The following IL17D variants were observed in gnomAD, a reference collection of about 807,000 sequenced individuals.
IL17D encodes interleukin 17D, also known as interleukin-17D.
Under a neutral mutation model 5.7 loss-of-function variants are expected in IL17D, and 10 were observed. The ratio of observed to expected loss-of-function variants is 1.75; its 90% CI spans 1.08 to 2.97. IL17D has a LOEUF of 2.97. Ranked by LOEUF, IL17D falls within the 30% of genes most tolerant of loss-of-function variation. The pLI is 0.00. For missense variants in IL17D, 354 were observed against 292.7 expected, an observed-to-expected ratio of 1.21 and a Z score of -1.53; for synonymous variants, 172 against 141.7, an observed-to-expected ratio of 1.21 and a Z score of -1.52.
chr13:20,714,221 C>T (rs2058661616), intron 1 of IL17D: 1 of 152,208 alleles, frequency 6.6e-6, no homozygotes, highest in South Asian at 2.1e-4. Context: ...GAATTATCTT[C>T]CAAATTCTTT....
In IL17D at chr13:20,716,557, A is replaced by G. The variant is rs1347301253; in HGVS notation, c.291-5079A>G. 6.6e-6 allele frequency among the ~76,000 whole-genome samples: 1 copy of G among 152,200 alleles called. No homozygotes were observed. The highest frequency in any genetic ancestry group is 1.5e-5 in the Non-Finnish European group (1 of 68,032). The stretch of plus-strand genomic sequence containing the variant: ...CAAATCCATCTCCTTCACTTTGCAA[A>G]GAACCAGGCAAGGTGGAGTTCTCTG... On this transcript the variant is annotated intron_variant, in intron 1 of 1. Transcript: ENST00000682841. This position sits in a 1 kb window ranked among gnomAD's most constrained non-coding sequence, Gnocchi z 4.2.
intron 1 of IL17D, among the ~76,000 whole-genome samples, chr13:20,706,290 A>G (rs563481944): frequency 1.4e-4 from 21 of 152,224 alleles, no homozygotes; most frequent in Non-Finnish European, 2.6e-4. Context: ...GGACTACGGC[A>G]TTCTTCTTTC....
intron 1 of IL17D, among the ~76,000 whole-genome samples, chr13:20,718,533 AC>A (rs1481618181): frequency 2.8e-5 from 2 of 70,598 alleles, no homozygotes; most frequent in Non-Finnish European, 5.8e-5. Context: ...CCCCACCCAC[AC>A]ACCCGCCCAT....
At chr13:20,719,688 A>G (rs1431226747) in intron 1 of IL17D, among the ~76,000 whole-genome samples, 1 of 152,236 alleles carries the variant, frequency 6.6e-6, no homozygotes, top group Non-Finnish European at 1.5e-5. Flanking sequence ...TGAGATCGGA[A>G]AATGAACAGA....
At chr13:20,710,270 A>G (rs2058623886) in intron 1 of IL17D, among the ~76,000 whole-genome samples, 1 of 152,104 alleles carries the variant, frequency 6.6e-6, no homozygotes, top group Non-Finnish European at 1.5e-5. Flanking sequence ...TGTTGTAAGA[A>G]CACTGAGGTT....
intron 1 of IL17D, chr13:20,713,422 C>G (rs940925641): frequency 2.0e-5 from 3 of 152,300 alleles, no homozygotes; most frequent in African/African-American, 7.2e-5. Flanking sequence ...CCCCGCTACT[C>G]CCCCCTTGCC....
At chr13:20,703,275 C>G, upstream of IL17D, 1 of 986,154 alleles carries the variant, frequency 1.0e-6, no homozygotes, top group Non-Finnish European at 1.2e-6. Context: ...CCCATCTCGG[C>G]GCGAATCTGA....
chr13:20,710,451 T>TAAAAAAAAAAA (rs60458842), intron 1 of IL17D, among the ~76,000 whole-genome samples: 8 of 83,474 alleles, frequency 9.6e-5, no homozygotes, highest in Non-Finnish European at 1.4e-4. Context: ...CCATCTCTAC[T>TAAAAAAAAAAA]AAAAAAAAAA....
At chr13:20,709,870 G>A (rs1315000200) in intron 1 of IL17D, among the ~76,000 whole-genome samples, 1 of 152,210 alleles carries the variant, frequency 6.6e-6, no homozygotes, top group Non-Finnish European at 1.5e-5. Context: ...TGGTTGAAGG[G>A]CACCGTTTGC....
At chr13:20,715,222 C>T (rs950673535) in intron 1 of IL17D, among the ~76,000 whole-genome samples, 4 of 151,892 alleles carry the variant, frequency 2.6e-5, no homozygotes, top group Non-Finnish European at 4.4e-5. Flanking sequence ...AAAAGACCAG[C>T]CCCCCGCTCC....
At chr13:20,706,732 T>C (rs990815798) in intron 1 of IL17D, among the ~76,000 whole-genome samples, 2 of 152,156 alleles carry the variant, frequency 1.3e-5, no homozygotes, top group Non-Finnish European at 1.5e-5. Flanking sequence ...GGAAGTTAAA[T>C]TGAGTTGCCC....
upstream of IL17D, chr13:20,703,581 T>G (rs2058561247): frequency 4.1e-6 from 1 of 245,440 alleles, no homozygotes; most frequent in South Asian, 1.5e-4. Flanking sequence ...CGTCTTAGGC[T>G]CCGGGGCTCC....
chr13:20,721,597 GC>G, intron 1 of IL17D, 38 bp from the exon 2 acceptor site: 2 of 1,520,396 alleles, frequency 1.3e-6, no homozygotes, highest in Non-Finnish European at 1.8e-6. Context: ...GCGCGGGGCT[GC>G]CCCCAGGCGT....
intron 1 of IL17D, 134 bp from the exon 2 acceptor site, chr13:20,721,502 C>G (rs1037810744): frequency 1.5e-6 from 1 of 662,438 alleles, no homozygotes; most frequent in Admixed American, 3.1e-5. Flanking sequence ...CGGCGGGGGG[C>G]CTCGCACGCA....
At chr13:20,705,804 C>T (rs1425392115) in intron 1 of IL17D, among the ~76,000 whole-genome samples, 8 of 152,200 alleles carry the variant, frequency 5.3e-5, no homozygotes, top group Admixed American at 3.3e-4. Context: ...TTGGACAATG[C>T]TCTCCAGCAC....
chr13:20,703,952 G>C lies in IL17D; in HGVS notation c.-50G>C. The C allele has an allele frequency of 1.0e-6, 1 of 970,670 alleles. No homozygotes were observed. The highest frequency in any genetic ancestry group is 4.7e-5 in the South Asian group (1 of 21,124). 60.1% of individuals were successfully genotyped at this position (970,670 alleles called of 1,614,324 possible). ...GGACACGGGCGCGGGGCGCAGGCGG[G>C]CTCCTCCGGCGCGTGCGGACGCTGA... On this transcript the variant is annotated 5_prime_UTR_variant, in exon 1 of 2. Coordinates refer to ENST00000682841, the MANE Select transcript of IL17D (RefSeq NM_001385224.1).
chr13:20,704,507 CGGTAG>C (rs2058575300), intron 1 of IL17D, among the ~76,000 whole-genome samples: 1 of 27,326 alleles, frequency 3.7e-5, no homozygotes, highest in Admixed American at 5.2e-4. Context: ...GGGTAGGGTA[CGGTAG>C]GGTGGGGTGG....
chr13:20,720,291 CAGCCAAG>C (rs752443819), intron 1 of IL17D, among the ~76,000 whole-genome samples: 12 of 152,196 alleles, frequency 7.9e-5, no homozygotes, highest in South Asian at 4.1e-4. Flanking sequence ...ACTCTGCCTT[CAGCCAAG>C]AGCTCCCTCT....
At chr13:20,718,516 ACTTAC>A (rs2058698671) in intron 1 of IL17D, among the ~76,000 whole-genome samples, 2 of 107,472 alleles carry the variant, frequency 1.9e-5, no homozygotes, top group African/African-American at 7.2e-5. Context: ...ACTCAGACAC[ACTTAC>A]CCCCCACCCA....
Sources: allele counts gnomAD v4.1 joint callset (sites outside exome capture counted in the v4.1 genomes callset), GRCh38; gene constraint gnomAD v4.1.1; non-coding constraint Gnocchi (gnomAD v3.1); transcripts MANE v1.5; gene names NCBI Gene and HGNC (gene_info 2026-07-23, HGNC 2026-07-21).